LRRC37A2: variants seen among roughly 807,000 people sequenced by gnomAD.
The protein encoded by LRRC37A2 is leucine-rich repeat-containing protein 37A2.
In LRRC37A2, 9 loss-of-function variants were observed where a neutral mutation model predicts 68.8. That is an observed-to-expected ratio of 0.13 (90% CI 0.08 to 0.23). The LOEUF (loss-of-function observed/expected upper bound fraction) is 0.23, where lower values mean the gene tolerates loss of function less well. LRRC37A2 is among the 10% of genes least tolerant of loss of function. The pLI is 1.00. For synonymous variants in LRRC37A2, 63 were observed against 367.6 expected, an observed-to-expected ratio of 0.17 and a Z score of 9.48; for missense variants, 168 against 950.4, an observed-to-expected ratio of 0.18 and a Z score of 10.82.
the LRRC37A2 span, chr17:46,940,799 T>C: frequency 2.7e-6 from 4 of 1,492,496 alleles, no homozygotes; most frequent in African/African-American, 2.8e-5. Context: ...GAGGTGGTTT[T>C]TGGGTCTTTA....
the LRRC37A2 span, among the ~76,000 whole-genome samples, chr17:46,827,897 C>T: frequency 1.9e-4 from 29 of 151,702 alleles, no homozygotes; most frequent in Middle Eastern, 3.4e-3. Context: ...GCAAGCTCCG[C>T]GCCCCAGGTT....
At chr17:47,003,078 A>G in the LRRC37A2 span, among the ~76,000 whole-genome samples, 1 of 150,832 alleles carries the variant, frequency 6.6e-6, no homozygotes, top group African/African-American at 2.4e-5. Flanking sequence ...GACCCCCCCA[A>G]CTTCTACAAA....
the LRRC37A2 span, among the ~76,000 whole-genome samples, chr17:46,873,041 G>T: frequency 6.6e-6 from 1 of 151,562 alleles, no homozygotes; most frequent in African/African-American, 2.4e-5. Flanking sequence ...TCCTGGAGGA[G>T]CTCACAGATA....
chr17:47,036,618 T>C, the LRRC37A2 span, among the ~76,000 whole-genome samples: 1 of 151,864 alleles, frequency 6.6e-6, no homozygotes, highest in Non-Finnish European at 1.5e-5. Context: ...GTAGAATTGT[T>C]GTAGCACCCT....
At chr17:46,762,566 T>C in the LRRC37A2 span, 1 of 151,210 alleles carries the variant, frequency 6.6e-6, no homozygotes, top group Non-Finnish European at 1.5e-5. Flanking sequence ...TGATGAAATA[T>C]ATTTTCTCCA....
At chr17:46,846,805 C>T in the LRRC37A2 span, among the ~76,000 whole-genome samples, 1 of 152,208 alleles carries the variant, frequency 6.6e-6, no homozygotes, top group Non-Finnish European at 1.5e-5. Flanking sequence ...GAGGGAGGAA[C>T]AGAAGTGAGA....
chr17:46,770,139 C>A, the LRRC37A2 span: 3 of 1,444,178 alleles, frequency 2.1e-6, no homozygotes, highest in Non-Finnish European at 2.7e-6. Flanking sequence ...GTGAGGGGAA[C>A]GAGGCCAGGA....
At chr17:46,847,494 T>A in the LRRC37A2 span, among the ~76,000 whole-genome samples, 1 of 151,790 alleles carries the variant, frequency 6.6e-6, no homozygotes, top group African/African-American at 2.4e-5. Flanking sequence ...CTGATGGGAG[T>A]GGTCAGGACT....
the LRRC37A2 span, chr17:46,937,008 T>C: frequency 2.9e-5 from 5 of 173,262 alleles, no homozygotes; most frequent in Non-Finnish European, 5.7e-5. Context: ...TTAGATGCCA[T>C]GCATATAAGT....
the LRRC37A2 span, among the ~76,000 whole-genome samples, chr17:46,501,249 C>T: frequency 4.0e-5 from 6 of 151,036 alleles, no homozygotes; most frequent in East Asian, 1.2e-3. Flanking sequence ...GATCTTGGCT[C>T]ACTGCGACCT....
chr17:46,830,163 A>T, the LRRC37A2 span, among the ~76,000 whole-genome samples: 21 of 150,868 alleles, frequency 1.4e-4, no homozygotes, highest in Non-Finnish European at 2.5e-4. Flanking sequence ...CTCATCACCC[A>T]CCCCTACCTT....
the LRRC37A2 span, among the ~76,000 whole-genome samples, chr17:46,840,133 C>T: frequency 2.0e-5 from 3 of 151,238 alleles, no homozygotes; most frequent in Admixed American, 1.3e-4. Context: ...GTCTCTCAGG[C>T]TGGAGTGCAG....
At chr17:46,789,276 C>A in the LRRC37A2 span, among the ~76,000 whole-genome samples, 2 of 152,204 alleles carry the variant, frequency 1.3e-5, no homozygotes, top group Non-Finnish European at 2.9e-5. Context: ...GTCCCATCCA[C>A]TCTCTTATTC....
At chr17:47,023,938 A>G in the LRRC37A2 span, among the ~76,000 whole-genome samples, 1 of 152,162 alleles carries the variant, frequency 6.6e-6, no homozygotes, top group African/African-American at 2.4e-5. Flanking sequence ...AAAGGTCAGG[A>G]TAGTGGTTAC....
chr17:46,622,034 T>C, the LRRC37A2 span, among the ~76,000 whole-genome samples: 1 of 134,774 alleles, frequency 7.4e-6, no homozygotes. Flanking sequence ...ACTTTAGACA[T>C]AGGTGGAAAA....
the LRRC37A2 span, among the ~76,000 whole-genome samples, chr17:46,754,947 CCTTTTA>C: frequency 6.6e-6 from 1 of 152,184 alleles, no homozygotes; most frequent in Non-Finnish European, 1.5e-5. Flanking sequence ...ACTTTAGTAG[CCTTTTA>C]CACCTTCAAC....
chr17:46,877,120 T>C, the LRRC37A2 span: 2 of 980,806 alleles, frequency 2.0e-6, no homozygotes, highest in Non-Finnish European at 2.4e-6. Flanking sequence ...ACTGCTGGGC[T>C]AGGAATGCCA....
the LRRC37A2 span, among the ~76,000 whole-genome samples, chr17:46,808,638 C>T: frequency 4.6e-5 from 7 of 152,174 alleles, no homozygotes; most frequent in Non-Finnish European, 1.0e-4. Flanking sequence ...CAGCACATAG[C>T]ACATGGTCAA....
chr17:46,989,804 G>C, the LRRC37A2 span, among the ~76,000 whole-genome samples: 13 of 152,244 alleles, frequency 8.5e-5, no homozygotes, highest in Non-Finnish European at 1.6e-4. Flanking sequence ...TGGCTATTTA[G>C]AGACAGCGTG....
Sources: allele counts gnomAD v4.1 joint callset (sites outside exome capture counted in the v4.1 genomes callset), GRCh38; gene constraint gnomAD v4.1.1; transcripts MANE v1.5; gene names NCBI Gene and HGNC (gene_info 2026-07-23, HGNC 2026-07-21).